Variants in ANK1 observed in about 807,000 individuals in gnomAD.
ANK1 encodes the protein ankyrin 1, also known as ankyrin-1.
ANK1 carries 51 observed loss-of-function variants against 210.4 expected under a neutral mutation model. The observed-to-expected ratio is 0.24, with a 90% CI of 0.19 to 0.31. The LOEUF is 0.31. ANK1 is among the 10% of genes least tolerant of loss of function. ANK1 has a pLI of 1.00. For missense variants in ANK1, 2,051 were observed against 2,504.4 expected, an observed-to-expected ratio of 0.82 and a Z score of 3.86; for synonymous variants, 967 against 1,025.9, an observed-to-expected ratio of 0.94 and a Z score of 1.10.
intron 1 of ANK1, among the ~76,000 whole-genome samples, chr8:41,851,579 C>T (rs551362055): frequency 4.1e-4 from 62 of 152,294 alleles, no homozygotes; most frequent in Middle Eastern, 6.8e-3. Context: ...TGGCTGGGTG[C>T]GTGGCTCACA....
intron 3 of ANK1, among the ~76,000 whole-genome samples, chr8:41,732,476 G>A (rs184706728): frequency 1.4e-4 from 21 of 151,098 alleles, no homozygotes; most frequent in Admixed American, 4.6e-4. Context: ...GCAATGGCGC[G>A]ATCTCGGCTC....
At chr8:41,701,689 G>C in intron 21 of ANK1, 67 bp from the exon 22 acceptor site, 1 of 1,501,368 alleles carries the variant, frequency 6.7e-7, no homozygotes, top group Non-Finnish European at 9.2e-7. Context: ...CCAGCCCAGC[G>C]GTTCCCTGGT....
intron 12 of ANK1, among the ~76,000 whole-genome samples, 192 bp downstream of exon 12, chr8:41,717,412 A>T (rs1827995407): frequency 6.6e-6 from 1 of 152,238 alleles, no homozygotes; most frequent in African/African-American, 2.4e-5. Flanking sequence ...AAAGCCTCCA[A>T]GGTTTACGGA....
Position 41,812,461 on chromosome 8 carries a change from C to G in ANK1, c.127-54324G>C, listed in dbSNP as rs151161516. ...CCATGGAAGGTCAACGGAGGAAATGCATGGTCAGCAAAGGCTGTCCTGCTA... is the reference window on the plus strand; with the variant it reads ...CCATGGAAGGTCAACGGAGGAAATGGATGGTCAGCAAAGGCTGTCCTGCTA... On this transcript the variant is annotated intron_variant, in intron 1 of 42. Coordinates refer to the ANK1 transcript ENST00000265709. Among the ~76,000 whole-genome samples the G allele has an allele frequency of 1.8e-3, 271 of 152,350 alleles. 3 individuals carry two copies. Among genetic ancestry groups the G allele is most frequent in the African/African-American group, 6.3e-3 (262 of 41,580 alleles).
chr8:41,683,086 ACACACATGCACG>A (rs1016095906), intron 37 of ANK1, among the ~76,000 whole-genome samples: 2 of 152,070 alleles, frequency 1.3e-5, no homozygotes, highest in African/African-American at 2.4e-5. Flanking sequence ...GTGCACACAC[ACACACATGCACG>A]CACACATGCA....
chr8:41,700,019 C>T (rs907626917), intron 22 of ANK1, among the ~76,000 whole-genome samples: 1 of 152,228 alleles, frequency 6.6e-6, no homozygotes, highest in Non-Finnish European at 1.5e-5. Context: ...GAGTTTCAAA[C>T]TACGGGTCAA....
At chr8:41,778,593 G>A (rs1481233375) in intron 1 of ANK1, among the ~76,000 whole-genome samples, 2 of 152,050 alleles carry the variant, frequency 1.3e-5, no homozygotes, top group Non-Finnish European at 2.9e-5. Context: ...AGAACCAAAC[G>A]CTTGAAAATT....
intron 1 of ANK1, among the ~76,000 whole-genome samples, chr8:41,784,609 A>G (rs1461183469): frequency 6.6e-6 from 1 of 152,212 alleles, no homozygotes; most frequent in East Asian, 1.9e-4. Context: ...GTATAACTAA[A>G]TCTATTCAGT....
chr8:41,869,441 G>A (rs754131760), intron 1 of ANK1, among the ~76,000 whole-genome samples: 7 of 152,194 alleles, frequency 4.6e-5, no homozygotes, highest in African/African-American at 1.4e-4. Flanking sequence ...TTAGCCTGGC[G>A]TGGTGGCTCT....
At chr8:41,734,401 G>T (rs1040861392) in intron 2 of ANK1, among the ~76,000 whole-genome samples, 2 of 152,234 alleles carry the variant, frequency 1.3e-5, no homozygotes, top group African/African-American at 4.8e-5. Flanking sequence ...TAATTAAAAT[G>T]ATGTAGCTTC....
chr8:41,692,023 T>C (rs1195362725), intron 31 of ANK1, among the ~76,000 whole-genome samples: 2 of 151,794 alleles, frequency 1.3e-5, no homozygotes, highest in Admixed American at 1.3e-4. Flanking sequence ...TTTTGTTTTG[T>C]TTCCTGCCCC....
chr8:41,742,717 GC>G (rs1292344848), intron 2 of ANK1, among the ~76,000 whole-genome samples: 1 of 152,216 alleles, frequency 6.6e-6, no homozygotes, highest in Non-Finnish European at 1.5e-5. Context: ...GGGATGGAAG[GC>G]ACCGCAGTCC....
chr8:41,785,684 G>A (rs1176832673), intron 1 of ANK1, among the ~76,000 whole-genome samples: 1 of 152,166 alleles, frequency 6.6e-6, no homozygotes, highest in African/African-American at 2.4e-5. Flanking sequence ...CATCCCTGAG[G>A]GTCTCCATCA....
intron 2 of ANK1, among the ~76,000 whole-genome samples, chr8:41,736,537 G>A (rs534464849): frequency 3.5e-4 from 53 of 152,290 alleles, no homozygotes; most frequent in African/African-American, 1.2e-3. Context: ...GTGACAGCCC[G>A]GCAGCTGCTG....
At chr8:41,720,316 C>G (rs1177875527) in intron 9 of ANK1, among the ~76,000 whole-genome samples, 12 of 152,050 alleles carry the variant, frequency 7.9e-5, no homozygotes, top group African/African-American at 2.9e-4. Flanking sequence ...ACATCATGGT[C>G]CCTAAATTAT....
intron 3 of ANK1, among the ~76,000 whole-genome samples, chr8:41,730,252 G>A (rs921233651): frequency 3.3e-5 from 5 of 152,040 alleles, no homozygotes; most frequent in East Asian, 1.9e-4. Context: ...CCATGAGGCC[G>A]CCCTGGGGGC....
intron 1 of ANK1, among the ~76,000 whole-genome samples, chr8:41,850,951 G>A (rs551484893): frequency 1.3e-5 from 2 of 152,316 alleles, no homozygotes; most frequent in South Asian, 2.1e-4. Flanking sequence ...TAAGGGAGGC[G>A]GGGTGAGTCA....
intron 37 of ANK1, among the ~76,000 whole-genome samples, chr8:41,684,299 C>A (rs1468623438): frequency 1.3e-5 from 2 of 152,256 alleles, no homozygotes; most frequent in African/African-American, 2.4e-5. Flanking sequence ...GGCCTGGGGG[C>A]CATTCTGCAG....
chr8:41,743,493 C>A (rs1037192598), intron 2 of ANK1, among the ~76,000 whole-genome samples: 1 of 152,196 alleles, frequency 6.6e-6, no homozygotes, highest in Non-Finnish European at 1.5e-5. Context: ...CCCATCTTCC[C>A]TTCTCATCCT....
Sources: allele counts gnomAD v4.1 joint callset (sites outside exome capture counted in the v4.1 genomes callset), GRCh38; gene constraint gnomAD v4.1.1; transcripts MANE v1.5; gene names NCBI Gene and HGNC (gene_info 2026-07-23, HGNC 2026-07-21).